The following UBIAD1 variants were observed in gnomAD, a reference collection of about 807,000 sequenced individuals.
The protein encoded by UBIAD1 is ubiA prenyltransferase domain-containing protein 1.
A neutral mutation model predicts 20.1 loss-of-function variants in UBIAD1; 12 were observed. That is an observed-to-expected ratio of 0.60 (90% CI 0.38 to 0.97). UBIAD1 has a LOEUF of 0.97. Ranked by LOEUF, UBIAD1 falls within the 50% of genes least tolerant of loss-of-function variation. The probability of loss-of-function intolerance (pLI) is 0.00; values close to 1 mark genes in which losing one functional copy is unlikely to be tolerated. For missense variants in UBIAD1, 333 were observed against 419.5 expected (o/e 0.79, Z 1.80); for synonymous variants, 207 against 189.2 (o/e 1.09, Z -0.77).
chr1:11,273,382 G>A lies in UBIAD1; in HGVS notation c.-150G>A. 1.1e-6 allele frequency: 1 copy of A among 931,358 alleles called. No individual in the cohort carries two copies. Among genetic ancestry groups the A allele is most frequent in the South Asian group, 1.5e-5 (1 of 66,292 alleles). The allele number at this position is 931,358 out of a possible 1,614,324, so 57.7% of individuals were successfully genotyped here. A position where few individuals can be genotyped will look rare whatever the true frequency, so the allele number is the denominator to read the frequency against. On this transcript the variant is annotated 5_prime_UTR_variant, in exon 1 of 2. Coordinates refer to ENST00000376810, the MANE Select transcript of UBIAD1 (RefSeq NM_013319.3). This position sits in a 1 kb window ranked among gnomAD's most constrained non-coding sequence, Gnocchi z 4.9. ...TGGGGTGTAAGACCCACTTGCTGTTGCCCCCGGACCTTGCCGCCACACCAG... is the reference window on the plus strand; with the variant it reads ...TGGGGTGTAAGACCCACTTGCTGTTACCCCCGGACCTTGCCGCCACACCAG...
intron 1 of UBIAD1, chr1:11,294,781 C>T (rs1638421598): frequency 2.8e-6 from 2 of 716,894 alleles, no homozygotes; most frequent in Non-Finnish European, 5.2e-6. Context: ...CTCCTGCCTA[C>T]CCACGATGAT....
intron 1 of UBIAD1, among the ~76,000 whole-genome samples, chr1:11,274,501 G>C (rs1023416017): frequency 1.3e-5 from 2 of 151,822 alleles, no homozygotes; most frequent in African/African-American, 2.4e-5. Flanking sequence ...GTGTCACCAT[G>C]TTGGCCAGGA....
rs1441391582 is a variant in UBIAD1, at chr1:11,273,679, G to T, written c.148G>T (p.Val50Leu). ...CTGGAGGCAGAAGTGTGCCTCCTAC[G>T]TGTTGGCCCTGAGGCCCTGGAGCTT... ...RSWRQKCASY[V>L]LALRPWSFSA... The change falls in exon 1 of 2, where the codon GTG becomes TTG. Residue 50 changes from valine (V) to leucine (L), a missense_variant. Coordinates refer to ENST00000376810, the MANE Select transcript of UBIAD1 (RefSeq NM_013319.3). The surrounding 1 kb of genome is among the most constrained non-coding windows in gnomAD (Gnocchi z 4.9). 1 of 1,614,170 alleles carries T rather than the reference G, an allele frequency of 6.2e-7. No individual in the cohort carries two copies. The highest frequency in any genetic ancestry group is 8.5e-7 in the Non-Finnish European group (1 of 1,180,032).
chr1:11,279,229 C>A, intron 1 of UBIAD1: 2 of 231,992 alleles, frequency 8.6e-6, no homozygotes, highest in South Asian at 1.6e-4. Context: ...TTGTAAATGT[C>A]ATATCTTCAT....
downstream of UBIAD1, among the ~76,000 whole-genome samples, chr1:11,290,020 G>A (rs747682109): frequency 2.0e-5 from 3 of 151,590 alleles, no homozygotes; most frequent in South Asian, 2.1e-4. Flanking sequence ...GTGAGCCACC[G>A]CACCTGGCAT....
At chr1:11,298,719 G>A (rs1638486830), downstream of UBIAD1, among the ~76,000 whole-genome samples, 1 of 152,220 alleles carries the variant, frequency 6.6e-6, no homozygotes, top group African/African-American at 2.4e-5. The surrounding 1 kb of genome is among the most constrained non-coding windows in gnomAD (Gnocchi z 4.0). Flanking sequence ...AGTAGGTGCT[G>A]AACGTGAAGG....
chr1:11,290,909 G>C (rs1026463644), downstream of UBIAD1, among the ~76,000 whole-genome samples: 1 of 152,192 alleles, frequency 6.6e-6, no homozygotes, highest in Non-Finnish European at 1.5e-5. Context: ...GTTGCAGTGA[G>C]CCGAGATCAC....
Position 11,273,921 on chromosome 1 carries a change from T to A in UBIAD1, c.390T>A (p.Asp130Glu), listed in dbSNP as rs772736651. The A allele has an allele frequency of 2.5e-6, 4 of 1,614,214 alleles. No individual in the cohort carries two copies. The highest frequency in any genetic ancestry group is 3.4e-6 in the Non-Finnish European group (4 of 1,180,040). ...TGGACCGAATCTTGGAGCCGCAGGA[T>A]GTCGTCCGGTTCGGAGTCTTCCTCT... ...TLVDRILEPQ[D>E]VVRFGVFLYT... Residue 130 changes from aspartate to glutamate, a missense_variant, in exon 1 of 2, where the codon GAT becomes GAA. Asp to Glu is a conservative substitution (Grantham distance 45, BLOSUM62 2). Around this residue, in one of 3 missense-constraint regions of UBIAD1, gnomAD observed 226 missense variants for 263.5 expected, o/e 0.86. Transcript: ENST00000376810. This position sits in a 1 kb window ranked among gnomAD's most constrained non-coding sequence, Gnocchi z 4.9.
At chr1:11,283,755 G>T (rs1409733127) in intron 1 of UBIAD1, among the ~76,000 whole-genome samples, 1 of 152,086 alleles carries the variant, frequency 6.6e-6, no homozygotes, top group African/African-American at 2.4e-5. Flanking sequence ...TGATTCCTGT[G>T]GCTAGTGGGA....
rs998053323 is a variant in UBIAD1 at position 11,286,505 on chromosome 1, C to T, written c.*374C>T. 3.0e-6 allele frequency: 1 copy of T among 331,982 alleles called. No individual in the cohort carries two copies. The highest frequency in any genetic ancestry group is 5.7e-6 in the Non-Finnish European group (1 of 174,194). 20.6% of individuals were successfully genotyped at this position (331,982 alleles called of 1,614,324 possible). A position where few individuals can be genotyped will look rare whatever the true frequency, so the allele number is the denominator to read the frequency against. ...GGAGCTGCCCAGTTTGGCCTCCTGTCCCGAAAAGACCCTAATAACTAGGCA... is the reference window on the plus strand; with the variant it reads ...GGAGCTGCCCAGTTTGGCCTCCTGTTCCGAAAAGACCCTAATAACTAGGCA... On this transcript the variant is annotated 3_prime_UTR_variant, in exon 2 of 2. Coordinates refer to ENST00000376810, the MANE Select transcript of UBIAD1 (RefSeq NM_013319.3).
downstream of UBIAD1, among the ~76,000 whole-genome samples, chr1:11,291,674 T>C (rs1326359072): frequency 1.3e-5 from 2 of 151,970 alleles, no homozygotes; most frequent in African/African-American, 4.8e-5. Context: ...GCTTTCTATA[T>C]GCATGTGTGT....
At chr1:11,290,733 CT>C (rs775974596), downstream of UBIAD1, among the ~76,000 whole-genome samples, 4 of 152,208 alleles carry the variant, frequency 2.6e-5, no homozygotes, top group Non-Finnish European at 5.9e-5. Context: ...AATCCCAGCA[CT>C]TTGGGAGACC....
chr1:11,273,205 G>A lies in UBIAD1; in HGVS notation c.-327G>A, dbSNP rs887998177. On this transcript the variant is annotated 5_prime_UTR_variant, in exon 1 of 2. Transcript: ENST00000376810. This position sits in a 1 kb window ranked among gnomAD's most constrained non-coding sequence, Gnocchi z 4.9. Reference sequence around the variant, plus strand: ...CCCGCGCCGCCGGCACCTGTTTCCGGGCGGGCCTCCAGAGGCCGGCGCACA... The same window carrying A: ...CCCGCGCCGCCGGCACCTGTTTCCGAGCGGGCCTCCAGAGGCCGGCGCACA... 8.7e-5 allele frequency: 27 copies of A among 310,968 alleles called. No individual in the cohort carries two copies. The highest frequency in any genetic ancestry group is 4.8e-4 in the Admixed American group (10 of 20,660). 19.3% of individuals were successfully genotyped at this position (310,968 alleles called of 1,614,324 possible). A position where few individuals can be genotyped will look rare whatever the true frequency, so the allele number is the denominator to read the frequency against.
chr1:11,291,239 G>A (rs1208855261), downstream of UBIAD1, among the ~76,000 whole-genome samples: 1 of 152,192 alleles, frequency 6.6e-6, no homozygotes, highest in Non-Finnish European at 1.5e-5. Flanking sequence ...TAGAATCAGT[G>A]TGGTGAGAGA....
chr1:11,279,065 T>C (rs1652158252), intron 1 of UBIAD1: 2 of 168,404 alleles, frequency 1.2e-5, no homozygotes, highest in Non-Finnish European at 1.3e-5. Flanking sequence ...GAGGTTTCAC[T>C]ATGTTGGGCA....
Position 11,285,988 on chromosome 1 carries a change from A to G in UBIAD1, c.874A>G (p.Met292Val), listed in dbSNP as rs1448970128. 1.9e-6 allele frequency: 3 copies of G among 1,614,148 alleles called. No individual in the cohort carries two copies. Among genetic ancestry groups the G allele is most frequent in the East Asian group, 2.2e-5 (1 of 44,876 alleles). The change falls in exon 2 of 2, where the codon ATG (methionine) becomes GTG (valine). Residue 292 changes from methionine (M) to valine (V), a missense_variant. This residue lies in a region of UBIAD1 where 226 missense variants were observed against 263.5 expected (regional missense o/e 0.86). Coordinates refer to ENST00000376810, the MANE Select transcript of UBIAD1 (RefSeq NM_013319.3). The surrounding 1 kb of genome is among the most constrained non-coding windows in gnomAD (Gnocchi z 4.4). ...GGCACTCCCCCTGCTTACCATTCCC[A>G]TGGCCTTCTCCCTTGAGAGACAGTT... is the stretch of plus-strand genomic sequence containing the variant. ...SLALPLLTIP[M>V]AFSLERQFRS...
chr1:11,285,585 A>G lies in UBIAD1; in HGVS notation c.530-59A>G, dbSNP rs1318854143. 4 of 1,612,364 alleles carry G rather than the reference A, an allele frequency of 2.5e-6. No individual in the cohort carries two copies. Among genetic ancestry groups the G allele is most frequent in the Non-Finnish European group, 3.4e-6 (4 of 1,179,918 alleles). On this transcript the variant is annotated intron_variant, in intron 1 of 1. Transcript: ENST00000376810. The surrounding 1 kb of genome is among the most constrained non-coding windows in gnomAD (Gnocchi z 4.4). ...AAGTGGCCTGCCTCTTCACTGGTGAACAGTCCCTAAATTTCCAGCCTTGGT... is the reference window on the plus strand; with the variant it reads ...AAGTGGCCTGCCTCTTCACTGGTGAGCAGTCCCTAAATTTCCAGCCTTGGT...
chr1:11,298,863 C>T (rs767563278), downstream of UBIAD1, among the ~76,000 whole-genome samples: 14 of 152,304 alleles, frequency 9.2e-5, no homozygotes, highest in African/African-American at 2.9e-4. This position sits in a 1 kb window ranked among gnomAD's most constrained non-coding sequence, Gnocchi z 4.0. Context: ...CCCCTCCTGA[C>T]GGAGGCGAGG....
chr1:11,273,450 C>T lies in UBIAD1; in HGVS notation c.-82C>T, dbSNP rs775609518. 52 of 1,560,898 alleles carry T rather than the reference C, an allele frequency of 3.3e-5. No homozygotes were observed. The highest frequency in any genetic ancestry group is 4.4e-5 in the Non-Finnish European group (50 of 1,143,400). On this transcript the variant is annotated 5_prime_UTR_variant, in exon 1 of 2. Transcript: ENST00000376810. The surrounding 1 kb of genome is among the most constrained non-coding windows in gnomAD (Gnocchi z 4.9). ...ACCGAAGGAAGGTCGGGCCCTGCTG[C>T]CCCGCCCCGTCCTTCCTCCTTCCCG...
Sources: allele counts gnomAD v4.1 joint callset (sites outside exome capture counted in the v4.1 genomes callset), GRCh38; gene constraint gnomAD v4.1.1; regional missense constraint gnomAD v4.1.1; non-coding constraint Gnocchi (gnomAD v3.1); transcripts MANE v1.5; gene names NCBI Gene and HGNC (gene_info 2026-07-23, HGNC 2026-07-21).